The following ATF7 variants were observed in gnomAD, a reference collection of about 807,000 sequenced individuals.
ATF7 encodes cyclic AMP-dependent transcription factor ATF-7.
In ATF7, 10 loss-of-function variants were observed where a neutral mutation model predicts 50.4. That is an observed-to-expected ratio of 0.20 (90% CI 0.12 to 0.34). The LOEUF is 0.34. ATF7 is among the 10% of genes least tolerant of loss of function. ATF7 has a pLI of 1.00. For missense variants in ATF7, 465 were observed against 613.9 expected, an observed-to-expected ratio of 0.76 and a Z score of 2.56; for synonymous variants, 201 against 226.4, an observed-to-expected ratio of 0.89 and a Z score of 1.01.
intron 3 of ATF7, among the ~76,000 whole-genome samples, chr12:53,547,755 GTA>G (rs1491053154): frequency 1.6e-5 from 1 of 62,222 alleles, no homozygotes; most frequent in African/African-American, 7.1e-5. Flanking sequence ...TTTTATGTAT[GTA>G]TGTATGTATG....
chr12:53,597,089 C>CAA (rs148552524), intron 2 of ATF7, among the ~76,000 whole-genome samples: 1 of 151,790 alleles, frequency 6.6e-6, no homozygotes, highest in East Asian at 1.9e-4. Flanking sequence ...TCAAGAGAAA[C>CAA]AAAAAAATCT....
At chr12:53,540,180 G>A (rs773493260) in intron 4 of ATF7, among the ~76,000 whole-genome samples, 10 of 151,632 alleles carry the variant, frequency 6.6e-5, no homozygotes, top group Non-Finnish European at 1.3e-4. Context: ...GTGAAACCCT[G>A]TCTCTACTAA....
rs1345294041 is a variant in ATF7 at position 53,543,442 on chromosome 12, G to A, written c.152C>T (p.Thr51Met). The change falls in exon 4 of 12, where the codon ACG becomes ATG. Residue 51 changes from threonine to methionine, a missense_variant. Transcript: ENST00000420353. ...CTTCAGGAATCTAGTTGGAGTAGGC[G>A]TTTGATCTGTAGACATGAAAGAAAA... ...RTDSVIIADQ[T>M]PTPTRFLKNC... 4 of 1,591,586 alleles carry A rather than the reference G, an allele frequency of 2.5e-6. No homozygotes were observed. The highest frequency in any genetic ancestry group is 3.4e-6 in the Non-Finnish European group (4 of 1,167,892).
At chr12:53,606,248 C>T (rs989282395) in intron 1 of ATF7, among the ~76,000 whole-genome samples, 1 of 151,598 alleles carries the variant, frequency 6.6e-6, no homozygotes, top group African/African-American at 2.4e-5. Context: ...GCAGAAAGGG[C>T]ACTTTTTTTT....
rs762693478 is a variant in ATF7, at chr12:53,524,520, T to C, written c.1125+44A>G. 71 of 1,601,500 alleles carry C rather than the reference T, an allele frequency of 4.4e-5. No homozygotes were observed. In the African/African-American group the frequency reaches 7.8e-4, roughly 18 times the overall value. On this transcript the variant is annotated intron_variant, in intron 10 of 11. Coordinates refer to ENST00000420353, the MANE Select transcript of ATF7 (RefSeq NM_006856.3). This position sits in a 1 kb window ranked among gnomAD's most constrained non-coding sequence, Gnocchi z 4.6. Reference sequence around the variant, plus strand: ...ACTTTTTTCTGATTCCATCCCACTTTCTGGATTTTCAACAATTCCAATAAG... The same window carrying C: ...ACTTTTTTCTGATTCCATCCCACTTCCTGGATTTTCAACAATTCCAATAAG...
chr12:53,611,339 C>T (rs537031226), intron 1 of ATF7, among the ~76,000 whole-genome samples: 5 of 151,958 alleles, frequency 3.3e-5, no homozygotes, highest in South Asian at 2.1e-4. Context: ...CATGGTGGCA[C>T]GTGCTCCGGA....
At chr12:53,591,031 A>G (rs1298580767) in intron 2 of ATF7, among the ~76,000 whole-genome samples, 1 of 152,190 alleles carries the variant, frequency 6.6e-6, no homozygotes, top group South Asian at 2.1e-4. Context: ...TTAGTTAATA[A>G]TAATGTATTA....
At chr12:53,550,175 T>C (rs956964225) in intron 3 of ATF7, among the ~76,000 whole-genome samples, 4 of 151,482 alleles carry the variant, frequency 2.6e-5, no homozygotes, top group East Asian at 2.0e-4. Flanking sequence ...ATACAAAAAT[T>C]AGCCGATCGG....
chr12:53,538,203 C>T (rs1222300788), intron 4 of ATF7, among the ~76,000 whole-genome samples: 1 of 152,094 alleles, frequency 6.6e-6, no homozygotes, highest in East Asian at 1.9e-4. Flanking sequence ...TAATATTTTT[C>T]AGGAAATCAA....
intron 2 of ATF7, among the ~76,000 whole-genome samples, chr12:53,587,026 A>C (rs895754694): frequency 3.3e-5 from 5 of 152,226 alleles, no homozygotes; most frequent in Admixed American, 2.0e-4. Flanking sequence ...CTGAATGCAC[A>C]GTTAATTTCA....
At chr12:53,580,342 C>A (rs1942351437) in intron 2 of ATF7, among the ~76,000 whole-genome samples, 1 of 150,722 alleles carries the variant, frequency 6.6e-6, no homozygotes, top group Non-Finnish European at 1.5e-5. Flanking sequence ...GAGAAAACCC[C>A]TTTAATACAA....
At chr12:53,509,521 T>A (rs1244075779), downstream of ATF7, among the ~76,000 whole-genome samples, 1 of 151,152 alleles carries the variant, frequency 6.6e-6, no homozygotes, top group Admixed American at 6.6e-5. Context: ...TTTTTTTTTT[T>A]ACGATGGAGT....
chr12:53,545,641 A>T (rs1939854590), intron 3 of ATF7, among the ~76,000 whole-genome samples: 1 of 152,064 alleles, frequency 6.6e-6, no homozygotes, highest in Non-Finnish European at 1.5e-5. Context: ...TAGCCAAAAA[A>T]ATCAGTAAGT....
chr12:53,559,116 C>G (rs1940928779), intron 2 of ATF7, among the ~76,000 whole-genome samples: 1 of 141,366 alleles, frequency 7.1e-6, no homozygotes, highest in Non-Finnish European at 1.5e-5. Flanking sequence ...GACCTTGTCT[C>G]TATTTAAAAA....
chr12:53,567,872 T>C (rs949280893), intron 2 of ATF7, among the ~76,000 whole-genome samples: 1 of 152,254 alleles, frequency 6.6e-6, no homozygotes, highest in Non-Finnish European at 1.5e-5. Context: ...TAAGTTCTTG[T>C]TGACATTATA....
Position 53,572,137 on chromosome 12 carries a change from AG to A in ATF7, c.49-19501del, listed in dbSNP as rs547294008. Among the ~76,000 whole-genome samples, 765 of 152,326 alleles carry A rather than the reference AG, an allele frequency of 5.0e-3. 7 individuals are homozygous for A. The highest frequency in any genetic ancestry group is 0.031 in the Middle Eastern group (9 of 294). On this transcript the variant is annotated intron_variant, in intron 2 of 11. Transcript: ENST00000420353. ...TTTCTTACTCGATTCATAAACCAAA[AG>A]GACTGAGACTTCTGGTTTTTGGCTT... is the stretch of plus-strand genomic sequence containing the variant.
At chr12:53,532,479 C>T in intron 8 of ATF7, 31 bp downstream of exon 8, 1 of 1,510,576 alleles carries the variant, frequency 6.6e-7, no homozygotes, top group Non-Finnish European at 9.0e-7. Flanking sequence ...TTCAGAAAGG[C>T]CAACATTGCC....
intron 2 of ATF7, among the ~76,000 whole-genome samples, chr12:53,570,624 T>A (rs927942008): frequency 6.6e-6 from 1 of 152,182 alleles, no homozygotes. Flanking sequence ...CTGAAGGATG[T>A]CAGCAAGAAT....
In ATF7 at chr12:53,537,548, G is replaced by A. The variant is rs771041872; in HGVS notation, c.269C>T (p.Ala90Val). 6.2e-7 allele frequency: 1 copy of A among 1,613,264 alleles called. No homozygotes were observed. The highest frequency in any genetic ancestry group is 1.1e-5 in the South Asian group (1 of 91,034). ...KAADEDEKKA[A>V]AGPLDMSLPS... ...CAGAGACATGTCAAGGGGCCCAGCA[G>A]CAGCCTGTTGTGAAAGAAAAATGAA... is the stretch of plus-strand genomic sequence containing the variant. The change falls in exon 5 of 12, where the codon GCT becomes GTT. Residue 90 changes from alanine (A) to valine (V), a missense_variant. Transcript: ENST00000420353.
Sources: gnomAD v4.1 joint callset for allele counts (sites outside exome capture counted in the v4.1 genomes callset) on GRCh38, gnomAD v4.1.1 for gene constraint, Gnocchi (gnomAD v3.1) non-coding constraint, MANE v1.5 for transcripts, NCBI Gene and HGNC (gene_info 2026-07-23, HGNC 2026-07-21) for gene names.